The following CTNND2 variants were observed in gnomAD, a reference collection of about 807,000 sequenced individuals.
CTNND2 encodes catenin delta 2.
Under a neutral mutation model 144.4 loss-of-function variants are expected in CTNND2, and 22 were observed. The ratio of observed to expected loss-of-function variants is 0.15; its 90% CI spans 0.11 to 0.22. The LOEUF (loss-of-function observed/expected upper bound fraction) is 0.22. CTNND2 is among the 10% of genes least tolerant of loss of function. The probability of loss-of-function intolerance (pLI) is 1.00; values close to 1 mark genes in which losing one functional copy is unlikely to be tolerated. For synonymous variants in CTNND2, 751 were observed against 695.6 expected (o/e 1.08, Z -1.25); for missense variants, 1,353 against 1,618.8 (o/e 0.84, Z 2.82).
intron 9 of CTNND2, among the ~76,000 whole-genome samples, chr5:11,279,588 T>C (rs395974): frequency 0.35 from 52,697 of 151,976 alleles, 9,215 homozygotes; most frequent in Middle Eastern, 0.44. Context: ...TCTTAAGAGG[T>C]TGAATCCCTC....
rs74490840 is a variant in CTNND2, at chr5:11,875,516, T to C, written c.37+28301A>G. Among the ~76,000 whole-genome samples the C allele has an allele frequency of 1.7e-3, 256 of 152,290 alleles. 7 individuals are homozygous for C. The East Asian group carries it at 0.042, about 25-fold the overall frequency. On this transcript the variant is annotated intron_variant, in intron 1 of 21. Coordinates refer to ENST00000304623, the MANE Select transcript of CTNND2 (RefSeq NM_001332.4). ...AGCCCTAACTCCCAATGTAACAGTA[T>C]TTAAAGCCAGGGGCCTTTGAGAGAA...
intron 16 of CTNND2, among the ~76,000 whole-genome samples, chr5:11,033,073 C>T (rs1385916211): frequency 2.0e-5 from 3 of 152,144 alleles, no homozygotes; most frequent in African/African-American, 7.2e-5. Context: ...AGGACCCCTC[C>T]TTACTATCTT....
chr5:11,367,639 A>G (rs1757102228), intron 7 of CTNND2, among the ~76,000 whole-genome samples: 5 of 152,206 alleles, frequency 3.3e-5, no homozygotes, highest in Admixed American at 3.3e-4. Context: ...TGTTATTATA[A>G]TAAGAAAAAA....
chr5:11,134,922 A>G lies in CTNND2; in HGVS notation c.2160-17355T>C, dbSNP rs150952871. ...AGCTGCACAGAAAGGTCAAATAGCA[A>G]TGACACTTTGAGGAGCCACAGAGCA... On this transcript the variant is annotated intron_variant, in intron 12 of 21. Transcript: ENST00000304623. Among the ~76,000 whole-genome samples, 106 of 152,354 alleles carry G rather than the reference A, an allele frequency of 7.0e-4. 2 individuals are homozygous for G. The highest frequency in any genetic ancestry group is 2.4e-3 in the African/African-American group (101 of 41,586).
At chr5:11,574,099 G>A (rs1458157056) in intron 2 of CTNND2, among the ~76,000 whole-genome samples, 1 of 151,916 alleles carries the variant, frequency 6.6e-6, no homozygotes, top group Non-Finnish European at 1.5e-5. Flanking sequence ...CCCGAGAACT[G>A]AAGACACAAA....
intron 1 of CTNND2, among the ~76,000 whole-genome samples, chr5:11,734,776 G>T (rs1561745395): frequency 6.6e-6 from 1 of 152,218 alleles, no homozygotes; most frequent in East Asian, 1.9e-4. Flanking sequence ...ATAATTTAGA[G>T]ATATTCCAAC....
At chr5:11,157,331 A>G (rs1312629381) in intron 12 of CTNND2, among the ~76,000 whole-genome samples, 2 of 151,958 alleles carry the variant, frequency 1.3e-5, no homozygotes, top group African/African-American at 2.4e-5. Context: ...CATCATTTCT[A>G]TGTTTAGCCC....
intron 21 of CTNND2, among the ~76,000 whole-genome samples, chr5:10,978,652 G>GC (rs1215294212): frequency 6.6e-6 from 1 of 152,192 alleles, no homozygotes; most frequent in African/African-American, 2.4e-5. Context: ...CCGGGGGCTT[G>GC]CCTGCAATGC....
intron 9 of CTNND2, among the ~76,000 whole-genome samples, chr5:11,249,196 A>T (rs1427100837): frequency 6.6e-6 from 1 of 152,092 alleles, no homozygotes; most frequent in Non-Finnish European, 1.5e-5. Flanking sequence ...CTGATAGGCC[A>T]TGTGGTGTGG....
intron 2 of CTNND2, chr5:11,588,684 T>A: frequency 2.4e-6 from 2 of 821,902 alleles, no homozygotes; most frequent in Non-Finnish European, 2.9e-6. Flanking sequence ...ACATTCATAA[T>A]GAAAGCATTG....
intron 14 of CTNND2, among the ~76,000 whole-genome samples, chr5:11,104,189 C>G (rs1752187831): frequency 6.6e-6 from 1 of 152,158 alleles, no homozygotes. Context: ...TGCAGGCTCA[C>G]TTTCATTTTT....
intron 12 of CTNND2, among the ~76,000 whole-genome samples, chr5:11,130,370 G>T (rs1755467286): frequency 6.6e-6 from 1 of 152,120 alleles, no homozygotes; most frequent in Non-Finnish European, 1.5e-5. Flanking sequence ...CGTGCCTTCT[G>T]GAGTTAGCCA....
intron 11 of CTNND2, among the ~76,000 whole-genome samples, chr5:11,162,346 C>T (rs1730953493): frequency 6.6e-6 from 1 of 152,088 alleles, no homozygotes; most frequent in East Asian, 1.9e-4. Flanking sequence ...AATCTAGTAC[C>T]TGACAAGAAG....
intron 2 of CTNND2, among the ~76,000 whole-genome samples, chr5:11,625,231 CTT>C (rs1186274434): frequency 6.6e-6 from 1 of 152,076 alleles, no homozygotes; most frequent in Non-Finnish European, 1.5e-5. Context: ...CACTAACTCT[CTT>C]GTTAGAATGA....
chr5:11,531,269 C>G (rs569068743), intron 3 of CTNND2, among the ~76,000 whole-genome samples: 1 of 152,174 alleles, frequency 6.6e-6, no homozygotes, highest in Admixed American at 6.5e-5. Flanking sequence ...GGACCCTACA[C>G]AGGTGAGGAA....
chr5:11,570,411 TAGAG>T (rs1342854362), intron 2 of CTNND2, among the ~76,000 whole-genome samples: 3 of 152,168 alleles, frequency 2.0e-5, no homozygotes, highest in South Asian at 2.1e-4. Context: ...TACACAGAGA[TAGAG>T]AGAATGAATG....
chr5:11,719,221 T>C (rs75950140), intron 2 of CTNND2, among the ~76,000 whole-genome samples: 2,154 of 152,320 alleles, frequency 0.014, 28 homozygotes, highest in African/African-American at 0.022. Flanking sequence ...TGCAGAATAT[T>C]AGCCCACACT....
At chr5:11,309,144 C>T (rs2150046708) in intron 9 of CTNND2, among the ~76,000 whole-genome samples, 1 of 152,302 alleles carries the variant, frequency 6.6e-6, no homozygotes, top group South Asian at 2.1e-4. Flanking sequence ...TCATCAGCAC[C>T]CGCACAGAGT....
chr5:11,745,441 C>T (rs1788256663), intron 1 of CTNND2, among the ~76,000 whole-genome samples: 1 of 152,184 alleles, frequency 6.6e-6, no homozygotes, highest in Admixed American at 6.5e-5. Context: ...AAGGGGTCCA[C>T]ACTTTCTATT....
Sources: gnomAD v4.1 joint callset for allele counts (sites outside exome capture counted in the v4.1 genomes callset) on GRCh38, gnomAD v4.1.1 for gene constraint, MANE v1.5 for transcripts, NCBI Gene and HGNC (gene_info 2026-07-23, HGNC 2026-07-21) for gene names.